Variants in RB1 observed in about 807,000 individuals in gnomAD.
RB1 encodes the protein retinoblastoma-associated protein.
In RB1, 18 loss-of-function variants were observed where a neutral mutation model predicts 135.4. That is an observed-to-expected ratio of 0.13 (90% CI 0.09 to 0.20). The LOEUF (loss-of-function observed/expected upper bound fraction) is 0.20. Ranked by LOEUF, RB1 falls within the 10% of genes least tolerant of loss-of-function variation. The probability of loss-of-function intolerance (pLI) is 1.00; values close to 1 mark genes in which losing one functional copy is unlikely to be tolerated. For synonymous variants in RB1, 365 were observed against 373.2 expected, an observed-to-expected ratio of 0.98 and a Z score of 0.25; for missense variants, 868 against 1,110.0, an observed-to-expected ratio of 0.78 and a Z score of 3.10.
chr13:48,460,264 C>G (rs1290740771), intron 20 of RB1, among the ~76,000 whole-genome samples: 3 of 151,956 alleles, frequency 2.0e-5, no homozygotes, highest in Non-Finnish European at 4.4e-5. Flanking sequence ...GCCACCGCAC[C>G]CAGCCTTGTT....
chr13:48,464,958 C>CTTTTTTTT (rs553094345), intron 21 of RB1, 40 bp from the exon 22 acceptor site: 64 of 832,596 alleles, frequency 7.7e-5, no homozygotes, highest in South Asian at 1.6e-4. Flanking sequence ...GTAAATTTTA[C>CTTTTTTTT]TTTTTTTTTT....
chr13:48,337,484 A>C (rs1338710594), intron 2 of RB1, among the ~76,000 whole-genome samples: 3 of 152,168 alleles, frequency 2.0e-5, no homozygotes, highest in Non-Finnish European at 4.4e-5. Flanking sequence ...CTGTTTTATC[A>C]GAGACTAGGA....
intron 8 of RB1, 92 bp downstream of exon 8, chr13:48,363,049 GTT>G: frequency 6.8e-7 from 1 of 1,476,374 alleles, no homozygotes; most frequent in East Asian, 2.4e-5. Context: ...TTATGAGCAT[GTT>G]TTTTTTGTAA....
rs2138034644 is a variant in RB1, at chr13:48,307,419, T to A, written c.264+13T>A. On this transcript the variant is annotated intron_variant, in intron 2 of 26. Transcript: ENST00000267163. ...GGATGGAGTATTGGTAAGGATTTTCTTAAAACGTTTTGAAATTTTTTTTTC... is the reference window on the plus strand; with the variant it reads ...GGATGGAGTATTGGTAAGGATTTTCATAAAACGTTTTGAAATTTTTTTTTC... The A allele has an allele frequency of 6.2e-7, 1 of 1,611,404 alleles. No homozygotes were observed. Among genetic ancestry groups the A allele is most frequent in the African/African-American group, 1.3e-5 (1 of 74,926 alleles).
intron 17 of RB1, among the ~76,000 whole-genome samples, chr13:48,404,683 C>T (rs1052453920): frequency 3.3e-5 from 5 of 151,914 alleles, no homozygotes; most frequent in African/African-American, 1.2e-4. Flanking sequence ...CGAGACAACG[C>T]GCCCAGATAA....
At chr13:48,374,603 A>T (rs1430181202) in intron 12 of RB1, among the ~76,000 whole-genome samples, 1 of 151,910 alleles carries the variant, frequency 6.6e-6, no homozygotes, top group East Asian at 1.9e-4. Context: ...TTTGTTTATG[A>T]GTTATCTATA....
chr13:48,348,862 G>C (rs1952521340), intron 5 of RB1, 94 bp from the exon 6 acceptor site: 1 of 1,414,440 alleles, frequency 7.1e-7, no homozygotes, highest in Non-Finnish European at 9.5e-7. Flanking sequence ...TTTTTTTAAT[G>C]CACAAAAAGA....
chr13:48,450,097 T>G (rs201145279), intron 17 of RB1, among the ~76,000 whole-genome samples: 3 of 150,976 alleles, frequency 2.0e-5, no homozygotes, highest in Admixed American at 2.0e-4. Flanking sequence ...TATATATATT[T>G]TTTTTTTTTT....
intron 17 of RB1, among the ~76,000 whole-genome samples, chr13:48,431,351 T>C (rs1264015848): frequency 1.3e-5 from 2 of 152,224 alleles, no homozygotes; most frequent in East Asian, 3.8e-4. Flanking sequence ...TTTTAAGGAC[T>C]AGTGCTATGA....
intron 8 of RB1, among the ~76,000 whole-genome samples, chr13:48,364,544 G>A (rs1171187778): frequency 6.6e-6 from 1 of 151,798 alleles, no homozygotes. Context: ...TATGTTATTG[G>A]TTGGCTTCCA....
intron 17 of RB1, among the ~76,000 whole-genome samples, chr13:48,417,660 C>T (rs1249684388): frequency 3.3e-5 from 5 of 151,564 alleles, no homozygotes; most frequent in South Asian, 2.1e-4. Context: ...GGAATTGCTA[C>T]CTAAAATAAG....
chr13:48,412,634 A>C (rs1289582457), intron 17 of RB1: 1 of 593,676 alleles, frequency 1.7e-6, no homozygotes, highest in African/African-American at 1.9e-5. Context: ...TTCAACAGGA[A>C]AATATTTTCA....
At position 48,326,360 on chromosome 13, in the gene RB1, T is replaced by C. The variant is rs1254670150; in HGVS notation, c.265-16239T>C. ...TTTTGGATTTTTTTGGTCTTGTTTTTTGTTTGTTTGTTTGTTTTTGAGTTT... is the reference window on the plus strand; with the variant it reads ...TTTTGGATTTTTTTGGTCTTGTTTTCTGTTTGTTTGTTTGTTTTTGAGTTT... On this transcript the variant is annotated intron_variant, in intron 2 of 26. Transcript: ENST00000267163. 2.0e-5 allele frequency among the ~76,000 whole-genome samples: 3 copies of C among 152,258 alleles called. No homozygotes were observed. The East Asian group carries it at 5.8e-4, about 29-fold the overall frequency.
intron 4 of RB1, 140 bp from the exon 5 acceptor site, chr13:48,347,685 G>C (rs1304078994): frequency 3.4e-6 from 2 of 595,148 alleles, no homozygotes; most frequent in Non-Finnish European, 6.0e-6. Flanking sequence ...AAATCTACTT[G>C]AACTTTGTTT....
intron 6 of RB1, among the ~76,000 whole-genome samples, chr13:48,349,640 CAAAACAACCAG>C (rs909507550): frequency 1.3e-5 from 2 of 151,890 alleles, no homozygotes; most frequent in Admixed American, 1.3e-4. Context: ...GAGAAGACCA[CAAAACAACCAG>C]AAAACAAATA....
chr13:48,367,643 T>C, intron 10 of RB1, 40 bp downstream of exon 10: 1 of 1,586,866 alleles, frequency 6.3e-7, no homozygotes, highest in Non-Finnish European at 8.6e-7. Context: ...GCTTTAGATA[T>C]AGGTTGATAC....
At chr13:48,379,680 A>C in intron 14 of RB1, 30 bp downstream of exon 14, 1 of 1,595,024 alleles carries the variant, frequency 6.3e-7, no homozygotes, top group Non-Finnish European at 8.5e-7. Flanking sequence ...AAAAAATTTC[A>C]GCCGGGCGCG....
intron 11 of RB1, among the ~76,000 whole-genome samples, chr13:48,368,980 T>C (rs185648261): frequency 1.8e-4 from 28 of 152,206 alleles, no homozygotes; most frequent in African/African-American, 6.7e-4. Flanking sequence ...CACTTCAGCC[T>C]GGGTGACAAG....
intron 17 of RB1, among the ~76,000 whole-genome samples, chr13:48,414,218 G>T (rs980586193): frequency 6.6e-6 from 1 of 151,948 alleles, no homozygotes. Flanking sequence ...GCAATAGTGC[G>T]TGCCTGTAGT....
Sources: gnomAD v4.1 joint callset for allele counts (sites outside exome capture counted in the v4.1 genomes callset) on GRCh38, gnomAD v4.1.1 for gene constraint, MANE v1.5 for transcripts, NCBI Gene and HGNC (gene_info 2026-07-23, HGNC 2026-07-21) for gene names.